Variants in DIAPH2 observed in about 807,000 individuals in gnomAD.
The protein encoded by DIAPH2 is diaphanous related formin 2, also known as protein diaphanous homolog 2.
Under a neutral mutation model 92.7 loss-of-function variants are expected in DIAPH2, and 35 were observed. That is an observed-to-expected ratio of 0.38 (90% CI 0.29 to 0.50). The LOEUF (loss-of-function observed/expected upper bound fraction) is 0.50. Ranked by LOEUF, DIAPH2 falls within the 20% of genes least tolerant of loss-of-function variation. DIAPH2 has a pLI of 0.94. For synonymous variants in DIAPH2, 301 were observed against 280.4 expected (o/e 1.07, Z -0.73); for missense variants, 701 against 819.5 (o/e 0.86, Z 1.77).
intron 21 of DIAPH2, among the ~76,000 whole-genome samples, chrX:97,120,519 C>T (rs934116853): frequency 3.0e-4 from 33 of 109,536 alleles, no homozygotes; most frequent in African/African-American, 9.0e-4. Flanking sequence ...TCTGTCCATC[C>T]GAGTTGGAGC....
intron 3 of DIAPH2, among the ~76,000 whole-genome samples, chrX:96,754,923 CAAAAAAAAAAAAAAA>C (rs1007573600): frequency 1.1e-3 from 17 of 16,004 alleles, no homozygotes; most frequent in South Asian, 5.5e-3. Context: ...GTCTCCACCT[CAAAAAAAAAAAAAAA>C]AAAAAAAAAA....
At chrX:97,588,163 C>T (rs1460892650) in intron 26 of DIAPH2, among the ~76,000 whole-genome samples, 1 of 111,863 alleles carries the variant, frequency 8.9e-6, no homozygotes, top group Non-Finnish European at 1.9e-5. Flanking sequence ...CATTATTATC[C>T]CCATCTTACG....
chrX:96,961,472 A>C (rs1380653072), intron 16 of DIAPH2, among the ~76,000 whole-genome samples: 3 of 99,855 alleles, frequency 3.0e-5, no homozygotes, highest in African/African-American at 1.1e-4. Context: ...AAAAAAAAAA[A>C]CCTAACTTTT....
At chrX:96,855,642 A>C (rs1300995683) in intron 4 of DIAPH2, among the ~76,000 whole-genome samples, 1 of 109,878 alleles carries the variant, frequency 9.1e-6, no homozygotes, top group African/African-American at 3.3e-5. Context: ...TAAGTGCTTA[A>C]AGAAAACATC....
At chrX:97,258,202 A>G (rs1003402106) in intron 23 of DIAPH2, among the ~76,000 whole-genome samples, 3 of 111,923 alleles carry the variant, frequency 2.7e-5, no homozygotes, top group Non-Finnish European at 3.8e-5. Context: ...GGAAAGAGGA[A>G]GATGGAGCAA....
At chrX:97,104,614 C>G (rs906509264) in intron 20 of DIAPH2, among the ~76,000 whole-genome samples, 2 of 110,486 alleles carry the variant, frequency 1.8e-5, no homozygotes, top group Non-Finnish European at 3.8e-5. Context: ...CTCCTGGCCT[C>G]TAGCAATCCT....
intron 23 of DIAPH2, among the ~76,000 whole-genome samples, chrX:97,313,680 C>T (rs2068816222): frequency 9.0e-6 from 1 of 110,668 alleles, no homozygotes; most frequent in African/African-American, 3.3e-5. Context: ...CCTCTCTCGC[C>T]CCGGCTGGAG....
chrX:97,103,451 G>A (rs2066918853), intron 20 of DIAPH2, among the ~76,000 whole-genome samples: 2 of 110,121 alleles, frequency 1.8e-5, no homozygotes, highest in South Asian at 7.9e-4. Context: ...TTCAACCAAT[G>A]GTGATCAGAA....
chrX:96,792,293 G>C (rs974501982), intron 4 of DIAPH2, among the ~76,000 whole-genome samples: 3 of 111,275 alleles, frequency 2.7e-5, no homozygotes, highest in Non-Finnish European at 3.8e-5. Context: ...TTTTATAGAC[G>C]GTTTATGTAA....
At chrX:97,062,540 T>C (rs1307039022) in intron 17 of DIAPH2, among the ~76,000 whole-genome samples, 1 of 111,365 alleles carries the variant, frequency 9.0e-6, no homozygotes, top group African/African-American at 3.3e-5. Flanking sequence ...GTGTCAGGCA[T>C]TCTTCTGAGA....
At chrX:97,202,277 G>A (rs1431966717) in intron 22 of DIAPH2, among the ~76,000 whole-genome samples, 4 of 111,576 alleles carry the variant, frequency 3.6e-5, no homozygotes, top group African/African-American at 9.8e-5. Flanking sequence ...TAACCAGCTA[G>A]CATCATGATG....
chrX:96,747,039 G>A (rs5949992), intron 3 of DIAPH2, among the ~76,000 whole-genome samples: 22,032 of 111,086 alleles, frequency 0.2, 1,635 homozygotes, highest in East Asian at 0.32. Flanking sequence ...CTTTGAGCTT[G>A]CTGAGAATAA....
At chrX:97,310,001 G>C (rs1047811374) in intron 23 of DIAPH2, among the ~76,000 whole-genome samples, 1 of 111,779 alleles carries the variant, frequency 8.9e-6, no homozygotes, top group African/African-American at 3.2e-5. Flanking sequence ...ACAAGTTTAG[G>C]CAGCTCCTCT....
chrX:96,812,451 T>C (rs372589469), intron 4 of DIAPH2, among the ~76,000 whole-genome samples: 1 of 111,910 alleles, frequency 8.9e-6, no homozygotes, highest in East Asian at 2.8e-4. Context: ...ATCAGTTTTG[T>C]TGATCTTTTC....
chrX:96,826,638 G>A (rs1364618236), intron 4 of DIAPH2, among the ~76,000 whole-genome samples: 1 of 111,666 alleles, frequency 9.0e-6, no homozygotes, highest in Non-Finnish European at 1.9e-5. Flanking sequence ...AGGAGCTCTA[G>A]GCTGATGTTT....
chrX:96,755,300 A>G (rs896574231), intron 3 of DIAPH2, among the ~76,000 whole-genome samples: 1 of 111,963 alleles, frequency 8.9e-6, no homozygotes, highest in Non-Finnish European at 1.9e-5. Context: ...TATTCAATAG[A>G]TAGATGCAAT....
chrX:96,851,081 T>A (rs1289243946), intron 4 of DIAPH2, among the ~76,000 whole-genome samples: 2 of 111,080 alleles, frequency 1.8e-5, no homozygotes, highest in African/African-American at 6.5e-5. Flanking sequence ...GAAGCAGGAA[T>A]GTGGATGATT....
intron 4 of DIAPH2, among the ~76,000 whole-genome samples, chrX:96,835,497 A>T (rs1460259858): frequency 8.9e-6 from 1 of 111,777 alleles, no homozygotes; most frequent in Non-Finnish European, 1.9e-5. Flanking sequence ...CCAAAAGAGG[A>T]GTCAGGGGCA....
At chrX:97,054,037 C>G in intron 17 of DIAPH2, among the ~76,000 whole-genome samples, 1 of 111,432 alleles carries the variant, frequency 9.0e-6, no homozygotes, top group East Asian at 2.8e-4. Flanking sequence ...CAGGGAAACA[C>G]ATATGTCAGC....
Sources: allele counts gnomAD v4.1 joint callset (sites outside exome capture counted in the v4.1 genomes callset), GRCh38; gene constraint gnomAD v4.1.1; transcripts MANE v1.5; gene names NCBI Gene and HGNC (gene_info 2026-07-23, HGNC 2026-07-21).